Variants in ZMYM4 observed in about 807,000 individuals in gnomAD.
The protein encoded by ZMYM4 is zinc finger MYM-type protein 4.
ZMYM4 carries 31 observed loss-of-function variants against 183.2 expected under a neutral mutation model. The observed-to-expected ratio is 0.17, with a 90% CI of 0.13 to 0.23. The LOEUF is 0.23. Ranked by LOEUF, ZMYM4 falls within the 10% of genes least tolerant of loss-of-function variation. ZMYM4 has a pLI of 1.00. For missense variants in ZMYM4, 1,273 were observed against 1,840.3 expected, an observed-to-expected ratio of 0.69 and a Z score of 5.64; for synonymous variants, 592 against 631.2, an observed-to-expected ratio of 0.94 and a Z score of 0.93.
chr1:35,283,724 T>C (rs1307925197), intron 1 of ZMYM4, among the ~76,000 whole-genome samples: 1 of 152,138 alleles, frequency 6.6e-6, no homozygotes, highest in Non-Finnish European at 1.5e-5. Context: ...ATTGGCCTTT[T>C]GTATATGTTC....
intron 7 of ZMYM4, among the ~76,000 whole-genome samples, chr1:35,376,890 ACT>A (rs1644346452): frequency 6.6e-6 from 1 of 151,824 alleles, no homozygotes; most frequent in South Asian, 2.1e-4. Context: ...TGTCACAATA[ACT>A]CTGAGCTCCT....
intron 2 of ZMYM4, among the ~76,000 whole-genome samples, chr1:35,350,312 A>G (rs1012780777): frequency 1.3e-5 from 2 of 150,420 alleles, no homozygotes; most frequent in African/African-American, 2.4e-5. Context: ...TTTTTGAGAC[A>G]GAGTCTTGCT....
intron 28 of ZMYM4, 122 bp downstream of exon 28, chr1:35,415,836 A>C (rs919812539): frequency 7.6e-7 from 1 of 1,317,952 alleles, no homozygotes; most frequent in African/African-American, 1.5e-5. Context: ...TAACATTTGA[A>C]TATTTTTCTC....
At chr1:35,404,478 A>G (rs1381389490) in intron 23 of ZMYM4, among the ~76,000 whole-genome samples, 2 of 152,310 alleles carry the variant, frequency 1.3e-5, no homozygotes, top group East Asian at 1.9e-4. Context: ...CTTTAGTTCC[A>G]TCACAGAAAT....
At chr1:35,272,037 A>G (rs1284897482) in intron 1 of ZMYM4, among the ~76,000 whole-genome samples, 4 of 152,190 alleles carry the variant, frequency 2.6e-5, no homozygotes, top group African/African-American at 7.2e-5. Flanking sequence ...TTTCATTAGA[A>G]TGTTCGGTAT....
At chr1:35,302,043 G>T (rs1641302077) in intron 1 of ZMYM4, among the ~76,000 whole-genome samples, 1 of 152,030 alleles carries the variant, frequency 6.6e-6, no homozygotes, top group South Asian at 2.1e-4. Context: ...TCCACTCTCT[G>T]TTACTTCATA....
intron 1 of ZMYM4, among the ~76,000 whole-genome samples, chr1:35,270,808 A>G (rs185676609): frequency 6.6e-6 from 1 of 151,794 alleles, no homozygotes; most frequent in African/African-American, 2.4e-5. Context: ...ATTGCATTCC[A>G]CTTGTTTTAT....
At chr1:35,381,830 A>T (rs1644464755) in intron 9 of ZMYM4, 72 bp downstream of exon 9, 2 of 1,553,128 alleles carry the variant, frequency 1.3e-6, no homozygotes, top group African/African-American at 2.7e-5. Flanking sequence ...AGAATTATTT[A>T]TGAAAATGTT....
At position 35,295,742 on chromosome 1, in the gene ZMYM4, T is replaced by C. The variant is rs190627939; in HGVS notation, c.39+26657T>C. Among the ~76,000 whole-genome samples, 9 of 152,142 alleles carry C rather than the reference T, an allele frequency of 5.9e-5. No homozygotes were observed. In the East Asian group the frequency reaches 1.5e-3, roughly 26 times the overall value. ...ATATACTTGCAGTAATGGTGCAGAG[T>C]CCTTCCTCAAGAGGACCCAGTCTGT... On this transcript the variant is annotated intron_variant, in intron 1 of 29. Transcript: ENST00000314607.
At chr1:35,307,996 A>G (rs1380381398) in intron 1 of ZMYM4, among the ~76,000 whole-genome samples, 1 of 148,630 alleles carries the variant, frequency 6.7e-6, no homozygotes. Flanking sequence ...CACCCGGCTA[A>G]TTTTTTAATT....
intron 2 of ZMYM4, among the ~76,000 whole-genome samples, chr1:35,335,591 A>G (rs1570378943): frequency 6.6e-6 from 1 of 152,028 alleles, no homozygotes. Flanking sequence ...GTTCTTGTTT[A>G]TTTGTTTGTC....
rs192344512 is a variant in ZMYM4, at chr1:35,312,630, T to C, written c.40-12730T>C. Among the ~76,000 whole-genome samples, 3 of 152,210 alleles carry C rather than the reference T, an allele frequency of 2.0e-5. No individual in the cohort carries two copies. The East Asian group carries it at 5.8e-4, about 29-fold the overall frequency. ...TAAATTATGTGGCAGCAAATGTCTTTTTTTCTTTCTTTTCTTTTTCTTTCC... is the reference window on the plus strand; with the variant it reads ...TAAATTATGTGGCAGCAAATGTCTTCTTTTCTTTCTTTTCTTTTTCTTTCC... On this transcript the variant is annotated intron_variant, in intron 1 of 29. Coordinates refer to ENST00000314607, the MANE Select transcript of ZMYM4 (RefSeq NM_005095.3).
At chr1:35,277,947 C>A (rs887180601) in intron 1 of ZMYM4, among the ~76,000 whole-genome samples, 24 of 152,172 alleles carry the variant, frequency 1.6e-4, no homozygotes, top group African/African-American at 5.8e-4. Flanking sequence ...TTGGCGGTCT[C>A]TTAAATTAGT....
At chr1:35,395,505 T>A (rs1644793249) in intron 18 of ZMYM4, among the ~76,000 whole-genome samples, 1 of 152,184 alleles carries the variant, frequency 6.6e-6, no homozygotes, top group African/African-American at 2.4e-5. Flanking sequence ...TCTCTTTCTG[T>A]CCCTAGTATT....
At chr1:35,279,744 T>C (rs547604193) in intron 1 of ZMYM4, among the ~76,000 whole-genome samples, 1 of 152,356 alleles carries the variant, frequency 6.6e-6, no homozygotes, top group East Asian at 1.9e-4. Flanking sequence ...CTCCTTTCTA[T>C]CCCACAGTAG....
In ZMYM4 at chr1:35,348,841, G is replaced by T. The variant is rs550657206; in HGVS notation, c.86-10084G>T. ...CACTAGTGAAATGTTACTTTGAAAA[G>T]TAAACTGTTGTTTCTGTGAAAATTT... On this transcript the variant is annotated intron_variant, in intron 2 of 29. Transcript: ENST00000314607. Among the ~76,000 whole-genome samples, 6 of 152,286 alleles carry T rather than the reference G, an allele frequency of 3.9e-5. No homozygotes were observed. In the East Asian group the frequency reaches 7.7e-4, roughly 20 times the overall value.
intron 26 of ZMYM4, among the ~76,000 whole-genome samples, chr1:35,413,706 T>A (rs886393793): frequency 1.3e-5 from 2 of 152,232 alleles, no homozygotes; most frequent in African/African-American, 4.8e-5. Context: ...TCATAATACT[T>A]CTTCTGTACC....
chr1:35,367,219 A>G (rs1273910123), intron 5 of ZMYM4, among the ~76,000 whole-genome samples: 3 of 150,602 alleles, frequency 2.0e-5, no homozygotes, highest in Non-Finnish European at 4.4e-5. Context: ...ACAATTAATT[A>G]ATTTTTTTTT....
At chr1:35,334,520 G>A (rs1642894592) in intron 2 of ZMYM4, among the ~76,000 whole-genome samples, 1 of 152,086 alleles carries the variant, frequency 6.6e-6, no homozygotes, top group Non-Finnish European at 1.5e-5. Context: ...TTAACATTTA[G>A]ACTGGCTTTC....
Sources: allele counts gnomAD v4.1 joint callset (sites outside exome capture counted in the v4.1 genomes callset), GRCh38; gene constraint gnomAD v4.1.1; transcripts MANE v1.5; gene names NCBI Gene and HGNC (gene_info 2026-07-23, HGNC 2026-07-21).